TBC1D15: variants seen among roughly 807,000 people sequenced by gnomAD.
TBC1D15 encodes TBC1 domain family member 15, also known as GAP for RAB7.
Under a neutral mutation model 95.4 loss-of-function variants are expected in TBC1D15, and 39 were observed. The ratio of observed to expected loss-of-function variants is 0.41; its 90% CI spans 0.32 to 0.53. TBC1D15 has a LOEUF of 0.53. TBC1D15 is among the 20% of genes least tolerant of loss of function. TBC1D15 has a pLI of 0.29. For missense variants in TBC1D15, 733 were observed against 794.3 expected, an observed-to-expected ratio of 0.92 and a Z score of 0.93; for synonymous variants, 258 against 261.3, an observed-to-expected ratio of 0.99 and a Z score of 0.12.
intron 1 of TBC1D15, among the ~76,000 whole-genome samples, chr12:71,856,973 C>T (rs1431227710): frequency 6.6e-6 from 1 of 152,052 alleles, no homozygotes. Flanking sequence ...ATCTATCTAA[C>T]TGAATTTTGA....
chr12:71,893,311 A>T lies in TBC1D15; in HGVS notation c.644A>T (p.Tyr215Phe). ...SFENLLDEPA[Y>F]GLIQKIKKDP... ...GAAAATCTTCTTGATGAGCCAGCAT[A>T]TGGTTTAATACAAGTATGTTCCTTA... Residue 215 changes from tyrosine to phenylalanine, a missense_variant, in exon 6 of 17, where the codon TAT becomes TTT. Coordinates refer to ENST00000485960, the MANE Select transcript of TBC1D15 (RefSeq NM_001146213.3). 8 of 1,607,972 alleles carry T rather than the reference A, an allele frequency of 5.0e-6. No homozygotes were observed. Among genetic ancestry groups the T allele is most frequent in the Non-Finnish European group, 6.8e-6 (8 of 1,176,108 alleles).
chr12:71,906,566 C>G lies in TBC1D15; in HGVS notation c.1184-456C>G, dbSNP rs12230014. Reference sequence around the variant, plus strand: ...CATGACAAAGAATTTGATTATACTTCTTATAATAAATGCAGTAATTGTGAA... The same window carrying G: ...CATGACAAAGAATTTGATTATACTTGTTATAATAAATGCAGTAATTGTGAA... On this transcript the variant is annotated intron_variant, in intron 10 of 16. Transcript: ENST00000485960. Among the ~76,000 whole-genome samples, 868 of 150,944 alleles carry G rather than the reference C, an allele frequency of 5.8e-3. 37 individuals carry two copies. The highest frequency in any genetic ancestry group is 6.2e-3 in the East Asian group (32 of 5,136).
At chr12:71,865,035 T>A (rs1350823202) in intron 1 of TBC1D15, among the ~76,000 whole-genome samples, 1 of 152,200 alleles carries the variant, frequency 6.6e-6, no homozygotes, top group East Asian at 1.9e-4. Context: ...ACAGGAGACT[T>A]AGCTGAGGGT....
chr12:71,882,834 A>T (rs1220233452), intron 4 of TBC1D15, among the ~76,000 whole-genome samples: 3 of 152,182 alleles, frequency 2.0e-5, no homozygotes, highest in Non-Finnish European at 4.4e-5. Flanking sequence ...GAGGGCCTAG[A>T]ATATTTGTCA....
intron 5 of TBC1D15, among the ~76,000 whole-genome samples, chr12:71,885,230 A>G (rs1053415324): frequency 3.9e-5 from 6 of 152,174 alleles, no homozygotes; most frequent in Admixed American, 3.3e-4. Flanking sequence ...CTTACCACCT[A>G]ATTACTGTTA....
chr12:71,879,430 C>T (rs768736767), intron 3 of TBC1D15, among the ~76,000 whole-genome samples: 121 of 152,010 alleles, frequency 8.0e-4, no homozygotes, highest in Non-Finnish European at 7.8e-4. Flanking sequence ...CCACCTCGCT[C>T]GGCCTCCCTT....
In TBC1D15 at chr12:71,896,165, T is replaced by G. The variant is rs543627958; in HGVS notation, c.984+90T>G. The G allele has an allele frequency of 1.1e-3, 1,456 of 1,334,246 alleles. 12 individuals carry two copies. The African/African-American group carries it at 0.019, about 18-fold the overall frequency. 82.7% of individuals were successfully genotyped at this position (1,334,246 alleles called of 1,614,324 possible). On this transcript the variant is annotated intron_variant, in intron 8 of 16. Transcript: ENST00000485960. ...TCGTTACTGTTTTGGTGTGTTTTTT[T>G]TTGTTGTTGGTTTTTTTTTTTTTTG...
Position 71,896,799 on chromosome 12 carries a change from T to C in TBC1D15, c.1088+19T>C. The C allele has an allele frequency of 6.3e-7, 1 of 1,589,056 alleles. No individual in the cohort carries two copies. Among genetic ancestry groups the C allele is most frequent in the Non-Finnish European group, 8.6e-7 (1 of 1,160,482 alleles). ...AAAAAACGTAAGTAATGGTCTTTCGTACATTTATCAAAGAGATTCAAGTAA... is the reference window on the plus strand; with the variant it reads ...AAAAAACGTAAGTAATGGTCTTTCGCACATTTATCAAAGAGATTCAAGTAA... On this transcript the variant is annotated intron_variant, in intron 9 of 16. Transcript: ENST00000485960.
rs1247081238 is a variant in TBC1D15, at chr12:71,894,799, A to G, written c.771A>G (p.Ser257=). 4 of 1,613,350 alleles carry G rather than the reference A, an allele frequency of 2.5e-6. No homozygotes were observed. The highest frequency in any genetic ancestry group is 3.4e-6 in the Non-Finnish European group (4 of 1,179,426). Residue 257 remains serine, a synonymous_variant, in exon 7 of 17, where the codon TCA becomes TCG. Coordinates refer to ENST00000485960, the MANE Select transcript of TBC1D15 (RefSeq NM_001146213.3). ...CCTCTACACATCAACGACCACCTTC[A>G]GAAATGGCAGATTTTCTTAGTGATG... ...SDPSTHQRPP[S]EMADFLSDAI... is the part of the protein sequence containing the mutation.
At chr12:71,896,877 G>C in intron 9 of TBC1D15, 97 bp downstream of exon 9, 3 of 783,938 alleles carry the variant, frequency 3.8e-6, no homozygotes, top group Non-Finnish European at 3.8e-6. Flanking sequence ...GGAATAGACT[G>C]GGGAATGGAA....
chr12:71,905,357 A>T (rs1900437802), intron 10 of TBC1D15, among the ~76,000 whole-genome samples: 1 of 152,122 alleles, frequency 6.6e-6, no homozygotes, highest in African/African-American at 2.4e-5. Flanking sequence ...TCGGGGTCTC[A>T]CTGTGTCACC....
intron 1 of TBC1D15, among the ~76,000 whole-genome samples, chr12:71,853,697 T>C (rs1331677039): frequency 6.6e-6 from 1 of 152,160 alleles, no homozygotes; most frequent in Non-Finnish European, 1.5e-5. Context: ...TACTATTGAG[T>C]TTTGTGTTAG....
Position 71,896,562 on chromosome 12 carries a change from T to C in TBC1D15, c.985-115T>C. ...ATGATATTCACTGAATTGAACTATTTACATATATGAAACTACCTCTTAAAG... is the reference window on the plus strand; with the variant it reads ...ATGATATTCACTGAATTGAACTATTCACATATATGAAACTACCTCTTAAAG... On this transcript the variant is annotated intron_variant, in intron 8 of 16. Coordinates refer to ENST00000485960, the MANE Select transcript of TBC1D15 (RefSeq NM_001146213.3). The C allele has an allele frequency of 3.8e-6, 3 of 797,816 alleles. No individual in the cohort carries two copies. The East Asian group carries it at 7.9e-5, about 21-fold the overall frequency. 49.4% of individuals were successfully genotyped at this position (797,816 alleles called of 1,614,324 possible). A position where few individuals can be genotyped will look rare whatever the true frequency, so the allele number is the denominator to read the frequency against.
chr12:71,881,779 T>C (rs984104355), intron 4 of TBC1D15, among the ~76,000 whole-genome samples: 2 of 151,466 alleles, frequency 1.3e-5, no homozygotes, highest in Admixed American at 1.3e-4. Flanking sequence ...TAGCCGGGCG[T>C]GGTGGCGCAT....
At chr12:71,894,463 A>G (rs1897796602) in intron 6 of TBC1D15, 1 of 1,388,144 alleles carries the variant, frequency 7.2e-7, no homozygotes, top group Non-Finnish European at 1.0e-6. Context: ...AGTAGCATTA[A>G]CTTGTCATTT....
chr12:71,896,993 G>A (rs1898314602), intron 9 of TBC1D15, among the ~76,000 whole-genome samples: 1 of 152,050 alleles, frequency 6.6e-6, no homozygotes, highest in African/African-American at 2.4e-5. Flanking sequence ...TTGTGAATAT[G>A]TAAAAAGAAG....
At chr12:71,881,916 C>CAA (rs35977474) in intron 4 of TBC1D15, among the ~76,000 whole-genome samples, 6,724 of 52,682 alleles carry the variant, frequency 0.13, 474 homozygotes, top group African/African-American at 0.16. Flanking sequence ...GACTCCGTCT[C>CAA]AAAAAAAAAA....
At chr12:71,867,016 TA>T (rs1205714819) in intron 1 of TBC1D15, among the ~76,000 whole-genome samples, 2 of 152,168 alleles carry the variant, frequency 1.3e-5, no homozygotes, top group African/African-American at 2.4e-5. Context: ...ATCACACCCT[TA>T]AAAAATAGAT....
intron 1 of TBC1D15, chr12:71,849,663 A>G (rs761928510): frequency 1.1e-5 from 6 of 563,978 alleles, no homozygotes; most frequent in South Asian, 6.7e-5. Flanking sequence ...GTAGTTTTCC[A>G]TCAGCAACTC....
Sources: allele counts gnomAD v4.1 joint callset (sites outside exome capture counted in the v4.1 genomes callset), GRCh38; gene constraint gnomAD v4.1.1; transcripts MANE v1.5; gene names NCBI Gene and HGNC (gene_info 2026-07-23, HGNC 2026-07-21).